Variants in DOCK6 observed in about 807,000 individuals in gnomAD.
DOCK6 encodes dedicator of cytokinesis 6.
A neutral mutation model predicts 230.3 loss-of-function variants in DOCK6; 167 were observed. The ratio of observed to expected loss-of-function variants is 0.73; its 90% CI spans 0.64 to 0.82. DOCK6 has a LOEUF of 0.82. DOCK6 is among the 40% of genes least tolerant of loss of function. The probability of loss-of-function intolerance (pLI) is 0.00; values close to 1 mark genes in which losing one functional copy is unlikely to be tolerated. For missense variants in DOCK6, 2,598 were observed against 2,825.8 expected, an observed-to-expected ratio of 0.92 and a Z score of 1.83; for synonymous variants, 1,148 against 1,185.0, an observed-to-expected ratio of 0.97 and a Z score of 0.64.
At chr19:11,241,504 G>A in intron 14 of DOCK6, 2 of 1,552,970 alleles carry the variant, frequency 1.3e-6, no homozygotes, top group Non-Finnish European at 1.7e-6. Context: ...TGCAGCGGCA[G>A]AGGCGGGAGA....
chr19:11,211,894 C>A lies in DOCK6; in HGVS notation c.4651-18G>T. 1 of 1,556,744 alleles carries A rather than the reference C, an allele frequency of 6.4e-7. No individual in the cohort carries two copies. Among genetic ancestry groups the A allele is most frequent in the South Asian group, 1.2e-5 (1 of 84,546 alleles). On this transcript the variant is annotated intron_variant, in intron 36 of 47. Transcript: ENST00000294618. ...TCCTGGACCTGGAGCCGGGGAACGTCCAGGGGCCAATGAGAGCATTAGGAA... is the reference window on the plus strand; with the variant it reads ...TCCTGGACCTGGAGCCGGGGAACGTACAGGGGCCAATGAGAGCATTAGGAA...
intron 22 of DOCK6, among the ~76,000 whole-genome samples, chr19:11,231,384 G>A (rs747762197): frequency 1.3e-5 from 2 of 151,850 alleles, no homozygotes; most frequent in Non-Finnish European, 2.9e-5. Context: ...CCACCCAGAG[G>A]GAAGCTGGTA....
intron 5 of DOCK6, 34 bp downstream of exon 5, chr19:11,252,085 C>T: frequency 6.3e-7 from 1 of 1,576,246 alleles, no homozygotes; most frequent in Non-Finnish European, 8.6e-7. Context: ...TCCACACATA[C>T]CCCTTCAGTG....
At chr19:11,204,475 C>G in intron 39 of DOCK6, 144 bp from the exon 40 acceptor site, 1 of 1,148,184 alleles carries the variant, frequency 8.7e-7, no homozygotes, top group East Asian at 2.6e-5. Context: ...CCACCCCTAT[C>G]CCAGATAGGG....
chr19:11,231,102 T>C (rs1172299491), intron 22 of DOCK6, among the ~76,000 whole-genome samples: 9 of 152,156 alleles, frequency 5.9e-5, no homozygotes, highest in Non-Finnish European at 1.3e-4. Context: ...CCCCCCTGCT[T>C]GTTCTGCTAG....
chr19:11,227,568 T>C, intron 23 of DOCK6, 91 bp from the exon 24 acceptor site: 1 of 1,328,788 alleles, frequency 7.5e-7, no homozygotes, highest in Non-Finnish European at 9.8e-7. Context: ...GGGCTGTGGG[T>C]GGGGCTTGAA....
In DOCK6 at chr19:11,200,928, A is replaced by G; in HGVS notation, c.5813T>C (p.Val1938Ala). 4.3e-6 allele frequency: 7 copies of G among 1,613,710 alleles called. No homozygotes were observed. Among genetic ancestry groups the G allele is most frequent in the South Asian group, 1.1e-5 (1 of 91,044 alleles). ...CCGTGCCTGGTTCACGGTGGGCCCT[A>G]CAGAGCCCTGAAGCACCATCTGTAG... ...KMLQMVLQGSVGPTVNQGPLE... is the reference protein window; with the variant it reads ...KMLQMVLQGSAGPTVNQGPLE... Residue 1938 changes from valine (V) to alanine (A), a missense_variant, in exon 45 of 48, where the codon GTA becomes GCA. By Grantham distance (64) the Val-to-Ala change is moderately conservative. Transcript: ENST00000294618. This position sits in a 1 kb window ranked among gnomAD's most constrained non-coding sequence, Gnocchi z 4.3.
Position 11,216,935 on chromosome 19 carries a change from G to A in DOCK6, c.3873C>T (p.Cys1291=), listed in dbSNP as rs200843111. ...LGRLLDLLYL[C]LAAFEYKGKK... is the part of the protein sequence containing the mutation. Reference sequence around the variant, plus strand: ...AAACCTTGTACTCAAAGGCAGCTAGGCAAAGGTACAGCAAATCCAACAGAC... The same window carrying A: ...AAACCTTGTACTCAAAGGCAGCTAGACAAAGGTACAGCAAATCCAACAGAC... Residue 1291 remains cysteine, a synonymous_variant, in exon 30 of 48, where the codon TGC becomes TGT. Transcript: ENST00000294618. The A allele has an allele frequency of 2.5e-4, 407 of 1,613,586 alleles. 2 individuals are homozygous for A. Among genetic ancestry groups the A allele is most frequent in the Middle Eastern group, 1.6e-3 (10 of 6,084 alleles).
intron 18 of DOCK6, 133 bp from the exon 19 acceptor site, chr19:11,237,012 C>G (rs1293550053): frequency 1.1e-6 from 1 of 879,290 alleles, no homozygotes; most frequent in Non-Finnish European, 1.7e-6. Context: ...CACCCTGCCC[C>G]CAGCCCTGGT....
At chr19:11,225,923 G>A (rs965209859) in intron 24 of DOCK6, among the ~76,000 whole-genome samples, 1 of 151,026 alleles carries the variant, frequency 6.6e-6, no homozygotes, top group Non-Finnish European at 1.5e-5. Context: ...TGTGCCTCTG[G>A]TCACAGCTAC....
chr19:11,250,823 A>T lies in DOCK6; in HGVS notation c.720+51T>A, dbSNP rs1198758766. On this transcript the variant is annotated intron_variant, in intron 6 of 47. Coordinates refer to ENST00000294618, the MANE Select transcript of DOCK6 (RefSeq NM_020812.4). ...CTATTGAATAAACATGAAGTATACA[A>T]TAGGCACCCAGTAAATGCTGGTTGG... The T allele has an allele frequency of 2.6e-6, 4 of 1,555,462 alleles. No individual in the cohort carries two copies. The African/African-American group carries it at 5.4e-5, about 21-fold the overall frequency.
At chr19:11,229,355 G>T (rs1050742878) in intron 22 of DOCK6, 41 of 1,131,348 alleles carry the variant, frequency 3.6e-5, no homozygotes, top group Non-Finnish European at 4.5e-5. Flanking sequence ...AACCCTCGAG[G>T]TAGGAGGAGG....
At chr19:11,208,472 G>A (rs2079301142) in intron 39 of DOCK6, 2 of 527,070 alleles carry the variant, frequency 3.8e-6, no homozygotes, top group East Asian at 3.2e-5. Flanking sequence ...GTAGAGACAG[G>A]GTTTCACCAT....
In DOCK6 at chr19:11,243,624, C is replaced by CGTCCAGGCGAAGGGCATGCGGTAGCG; in HGVS notation, c.1165_1190dup (p.Val399ThrfsTer16). The CGTCCAGGCGAAGGGCATGCGGTAGCG allele has an allele frequency of 1.1e-5, 18 of 1,612,134 alleles. No homozygotes were observed. Among genetic ancestry groups the CGTCCAGGCGAAGGGCATGCGGTAGCG allele is most frequent in the Non-Finnish European group, 1.5e-5 (18 of 1,179,556 alleles). ...TCACGATGTTGGCCAAGTGCACGGC[C>CGTCCAGGCGAAGGGCATGCGGTAGCG]GTCCAGGCGAAGGGCATGCGGTAGC... On this transcript the variant is annotated frameshift_variant, in exon 11 of 48. Coordinates refer to ENST00000294618, the MANE Select transcript of DOCK6 (RefSeq NM_020812.4). LOFTEE classifies it high-confidence loss of function. The surrounding 1 kb of genome is among the most constrained non-coding windows in gnomAD (Gnocchi z 6.3).
At chr19:11,212,274 C>T (rs1297628177) in intron 35 of DOCK6, 123 bp from the exon 36 acceptor site, 2 of 1,129,458 alleles carry the variant, frequency 1.8e-6, no homozygotes, top group African/African-American at 1.6e-5. Context: ...GGGGGTCTCA[C>T]TCTGTCGCCC....
In DOCK6 at chr19:11,232,546, C is replaced by T. The variant is rs1311959586; in HGVS notation, c.2718+657G>A. On this transcript the variant is annotated intron_variant, in intron 22 of 47. Coordinates refer to ENST00000294618, the MANE Select transcript of DOCK6 (RefSeq NM_020812.4). ...GTGCATGTGTATACACACCCGTACA[C>T]ATATATGCATCAGGTGAATGTGTAT... Among the ~76,000 whole-genome samples, 4 of 152,222 alleles carry T rather than the reference C, an allele frequency of 2.6e-5. No individual in the cohort carries two copies. In the East Asian group the frequency reaches 5.8e-4, roughly 22 times the overall value.
intron 1 of DOCK6, among the ~76,000 whole-genome samples, chr19:11,255,083 A>G (rs1417969475): frequency 4.6e-5 from 7 of 151,950 alleles, no homozygotes; most frequent in Non-Finnish European, 1.0e-4. Context: ...GGCTCACTGC[A>G]ACACCTGCTT....
chr19:11,243,098 G>A lies in DOCK6; in HGVS notation c.1441C>T (p.Arg481Cys), dbSNP rs369962192. ...DLFKFLADMR[R>C]PSSLLRRLRP... ...AGTCGCCGCAGCAGGGACGACGGGC[G>A]CCTCATGTCAGCCAGGAACTTGAAG... The change falls in exon 13 of 48, where the codon CGC becomes TGC. Residue 481 changes from arginine to cysteine, a missense_variant. Transcript: ENST00000294618. This position sits in a 1 kb window ranked among gnomAD's most constrained non-coding sequence, Gnocchi z 6.3. 16 of 1,613,804 alleles carry A rather than the reference G, an allele frequency of 9.9e-6. No homozygotes were observed. Among genetic ancestry groups the A allele is most frequent in the East Asian group, 2.2e-5 (1 of 44,884 alleles).
At chr19:11,237,403 G>C in intron 18 of DOCK6, 53 bp downstream of exon 18, 1 of 1,600,792 alleles carries the variant, frequency 6.2e-7, no homozygotes, top group Non-Finnish European at 8.6e-7. Context: ...CAGGTGACTC[G>C]GGAGTGCTTC....
Sources: allele counts gnomAD v4.1 joint callset (sites outside exome capture counted in the v4.1 genomes callset), GRCh38; gene constraint gnomAD v4.1.1; non-coding constraint Gnocchi (gnomAD v3.1); transcripts MANE v1.5; gene names NCBI Gene and HGNC (gene_info 2026-07-23, HGNC 2026-07-21).